Variants in TEAD1 observed in about 807,000 individuals in gnomAD.
TEAD1 encodes the protein transcriptional enhancer factor TEF-1.
Under a neutral mutation model 54.9 loss-of-function variants are expected in TEAD1, and 9 were observed. The ratio of observed to expected loss-of-function variants is 0.16; its 90% CI spans 0.10 to 0.29. TEAD1 has a LOEUF of 0.29. Ranked by LOEUF, TEAD1 falls within the 10% of genes least tolerant of loss-of-function variation. TEAD1 has a pLI of 1.00. For synonymous variants in TEAD1, 200 were observed against 187.8 expected (o/e 1.07, Z -0.53); for missense variants, 387 against 535.9 (o/e 0.72, Z 2.74).
chr11:12,829,607 T>G (rs545326809), intron 3 of TEAD1, among the ~76,000 whole-genome samples: 1 of 152,196 alleles, frequency 6.6e-6, no homozygotes, highest in African/African-American at 2.4e-5. Flanking sequence ...AACATTTTTC[T>G]TCCTTTATCC....
chr11:12,773,196 A>G (rs536829046), intron 3 of TEAD1, among the ~76,000 whole-genome samples: 36 of 152,334 alleles, frequency 2.4e-4, no homozygotes, highest in African/African-American at 8.7e-4. Flanking sequence ...ATCTGGGCTG[A>G]TTCCAGTGTT....
At chr11:12,844,824 G>A (rs1947107478) in intron 3 of TEAD1, among the ~76,000 whole-genome samples, 1 of 152,042 alleles carries the variant, frequency 6.6e-6, no homozygotes, top group South Asian at 2.1e-4. Flanking sequence ...GTGATTAAGA[G>A]GAAACCATTC....
At chr11:12,712,666 C>T (rs555345382) in intron 2 of TEAD1, among the ~76,000 whole-genome samples, 1 of 152,288 alleles carries the variant, frequency 6.6e-6, no homozygotes. Flanking sequence ...CTATCACTAC[C>T]ATTCTTTCTG....
intron 10 of TEAD1, among the ~76,000 whole-genome samples, chr11:12,918,906 T>TA (rs1948759820): frequency 6.6e-6 from 1 of 152,152 alleles, no homozygotes; most frequent in Non-Finnish European, 1.5e-5. Context: ...TGCACTTGCT[T>TA]AAAGTTCAGA....
chr11:12,879,778 C>T lies in TEAD1; in HGVS notation c.401C>T (p.Thr134Ile). ...TCCTCAGCCCAGATCGTCTCGGCCA[C>T]TGCCATTCATAACAAGCTGGGGCTG... The change falls in exon 6 of 13, where the codon ACT (threonine) becomes ATT (isoleucine). Residue 134 changes from threonine to isoleucine, a missense_variant. By Grantham distance (89) the Thr-to-Ile change is moderately conservative. Around this residue, in one of 5 missense-constraint regions of TEAD1, gnomAD observed 180 missense variants for 180.6 expected, o/e 1.00. Transcript: ENST00000527636. 1.2e-6 allele frequency: 2 copies of T among 1,614,186 alleles called. No individual in the cohort carries two copies. Among genetic ancestry groups the T allele is most frequent in the Non-Finnish European group, 1.7e-6 (2 of 1,180,034 alleles).
At position 12,730,688 on chromosome 11, in the gene TEAD1, A is replaced by G. The variant is rs1332802920; in HGVS notation, c.-54-33491A>G. ...AGGCTTGCCTACAGTGCTTTTCTAC[A>G]TAGCTCTTTTTTTTTTTTTTTTTTT... On this transcript the variant is annotated intron_variant, in intron 2 of 12. Coordinates refer to ENST00000527636, the MANE Select transcript of TEAD1 (RefSeq NM_021961.6). Among the ~76,000 whole-genome samples the G allele has an allele frequency of 4.2e-4, 57 of 135,966 alleles. 1 individual carries two copies. Among genetic ancestry groups the G allele is most frequent in the Non-Finnish European group, 4.6e-4 (30 of 64,518 alleles). The allele number at this position is 135,966 out of a possible 152,430, so 89.2% of individuals were successfully genotyped here.
chr11:12,816,581 C>T (rs563780142), intron 3 of TEAD1, among the ~76,000 whole-genome samples: 3 of 152,210 alleles, frequency 2.0e-5, no homozygotes, highest in Admixed American at 1.3e-4. Context: ...ATCAGGAAGA[C>T]GTTTTCTTTG....
intron 12 of TEAD1, among the ~76,000 whole-genome samples, chr11:12,933,925 T>G (rs1387524108): frequency 6.6e-6 from 1 of 152,200 alleles, no homozygotes; most frequent in Non-Finnish European, 1.5e-5. Context: ...GGAACACTTT[T>G]ACACTGTTGT....
chr11:12,864,549 C>T, intron 4 of TEAD1: 1 of 581,650 alleles, frequency 1.7e-6, no homozygotes, highest in African/African-American at 1.9e-5. Context: ...TGTTGAGATG[C>T]AAATAACCAC....
intron 2 of TEAD1, among the ~76,000 whole-genome samples, chr11:12,676,824 A>G (rs1207606909): frequency 6.6e-6 from 1 of 152,232 alleles, no homozygotes; most frequent in Non-Finnish European, 1.5e-5. Flanking sequence ...TTAAACAGTT[A>G]ACAATTCTTT....
At chr11:12,830,204 A>G (rs1177925400) in intron 3 of TEAD1, among the ~76,000 whole-genome samples, 1 of 152,142 alleles carries the variant, frequency 6.6e-6, no homozygotes, top group Non-Finnish European at 1.5e-5. Flanking sequence ...AAAGGAAGAC[A>G]GCATCTTGGG....
intron 10 of TEAD1, among the ~76,000 whole-genome samples, chr11:12,903,572 T>C (rs1948460016): frequency 6.6e-6 from 1 of 152,194 alleles, no homozygotes; most frequent in South Asian, 2.1e-4. Flanking sequence ...TCCAGCACTT[T>C]GGGAGGCTGA....
chr11:12,868,851 GTTAT>G (rs138137789), intron 5 of TEAD1, among the ~76,000 whole-genome samples: 35,906 of 151,952 alleles, frequency 0.24, 5,228 homozygotes, highest in Middle Eastern at 0.39. Flanking sequence ...GAACTTTTCT[GTTAT>G]TTTTCCAGTA....
At chr11:12,698,474 G>A (rs1943632993) in intron 2 of TEAD1, among the ~76,000 whole-genome samples, 1 of 151,828 alleles carries the variant, frequency 6.6e-6, no homozygotes, top group Admixed American at 6.6e-5. Context: ...CTCAGATGTG[G>A]TTTTCAGACC....
At chr11:12,824,169 A>C (rs1200009397) in intron 3 of TEAD1, among the ~76,000 whole-genome samples, 1 of 152,188 alleles carries the variant, frequency 6.6e-6, no homozygotes, top group East Asian at 1.9e-4. Flanking sequence ...TGTAATGTCT[A>C]CTTTATTTAC....
At chr11:12,825,232 T>C (rs1439907276) in intron 3 of TEAD1, among the ~76,000 whole-genome samples, 1 of 152,168 alleles carries the variant, frequency 6.6e-6, no homozygotes, top group Non-Finnish European at 1.5e-5. Context: ...TTTAAAATTG[T>C]ACTGCAGGTT....
In TEAD1 at chr11:12,782,860, G is replaced by A. The variant is rs377151484; in HGVS notation, c.202+18426G>A. On this transcript the variant is annotated intron_variant, in intron 3 of 12. Transcript: ENST00000527636. ...GAAGGTGACTGAATCTGTGGCAGCC[G>A]TATGGTAGGAGCTGAGTGCTGCTTT... Among the ~76,000 whole-genome samples the A allele has an allele frequency of 1.4e-4, 21 of 152,300 alleles. No homozygotes were observed. In the East Asian group the frequency reaches 3.9e-3, roughly 28 times the overall value.
chr11:12,712,955 A>T (rs901159462), intron 2 of TEAD1, among the ~76,000 whole-genome samples: 15 of 152,154 alleles, frequency 9.9e-5, no homozygotes, highest in Admixed American at 8.5e-4. Flanking sequence ...GTCTAGTAGG[A>T]GGGTTCTCGG....
At chr11:12,703,040 T>C (rs1943736086) in intron 2 of TEAD1, among the ~76,000 whole-genome samples, 1 of 152,174 alleles carries the variant, frequency 6.6e-6, no homozygotes, top group Admixed American at 6.5e-5. Flanking sequence ...AGGTTACTTG[T>C]TCTGAGCCAC....
Sources: gnomAD v4.1 joint callset for allele counts (sites outside exome capture counted in the v4.1 genomes callset) on GRCh38, gnomAD v4.1.1 for gene constraint, gnomAD v4.1.1 regional missense constraint, MANE v1.5 for transcripts, NCBI Gene and HGNC (gene_info 2026-07-23, HGNC 2026-07-21) for gene names.